SUSD1: variants seen among roughly 807,000 people sequenced by gnomAD.
The protein encoded by SUSD1 is sushi domain-containing protein 1.
A neutral mutation model predicts 86.9 loss-of-function variants in SUSD1; 65 were observed. The ratio of observed to expected loss-of-function variants is 0.75; its 90% CI spans 0.61 to 0.92. The LOEUF (loss-of-function observed/expected upper bound fraction) is 0.92. SUSD1 is among the 40% of genes least tolerant of loss of function. SUSD1 has a pLI of 0.00. For missense variants in SUSD1, 850 were observed against 929.7 expected (o/e 0.91, Z 1.11); for synonymous variants, 346 against 350.0 (o/e 0.99, Z 0.13).
At chr9:112,082,932 C>G (rs1367423547) in intron 10 of SUSD1, among the ~76,000 whole-genome samples, 2 of 151,882 alleles carry the variant, frequency 1.3e-5, no homozygotes, top group African/African-American at 4.8e-5. Flanking sequence ...TTCTATGTTG[C>G]CCAGGCTGGG....
At chr9:112,159,307 G>T (rs960866768) in intron 1 of SUSD1, among the ~76,000 whole-genome samples, 1 of 152,076 alleles carries the variant, frequency 6.6e-6, no homozygotes, top group Non-Finnish European at 1.5e-5. Context: ...TGTTACCCAG[G>T]TAAGACAGCC....
chr9:112,172,461 AATCCTCTCCAAGGATCTGTCTTTC>A (rs1834086050), intron 1 of SUSD1, among the ~76,000 whole-genome samples: 1 of 152,260 alleles, frequency 6.6e-6, no homozygotes, highest in South Asian at 2.1e-4. Flanking sequence ...AAACTCCAAG[AATCCTCTCCAAGGATCTGTCTTTC>A]ATCCTCCCAA....
At chr9:112,114,328 C>G (rs1323170107) in intron 6 of SUSD1, among the ~76,000 whole-genome samples, 1 of 151,986 alleles carries the variant, frequency 6.6e-6, no homozygotes, top group Non-Finnish European at 1.5e-5. Flanking sequence ...ACTAAAAATA[C>G]AAAAATTAGC....
At chr9:112,045,794 C>T (rs1459277302) in intron 15 of SUSD1, among the ~76,000 whole-genome samples, 1 of 152,196 alleles carries the variant, frequency 6.6e-6, no homozygotes, top group Non-Finnish European at 1.5e-5. Context: ...AGATCATTTG[C>T]AATGGTTTAT....
intron 10 of SUSD1, among the ~76,000 whole-genome samples, chr9:112,087,991 A>T (rs1233044708): frequency 6.6e-6 from 1 of 152,242 alleles, no homozygotes; most frequent in African/African-American, 2.4e-5. Flanking sequence ...AGAAATAAAC[A>T]TAACATCCAA....
At chr9:112,081,165 A>G (rs1829751751) in intron 10 of SUSD1, among the ~76,000 whole-genome samples, 1 of 152,228 alleles carries the variant, frequency 6.6e-6, no homozygotes, top group Non-Finnish European at 1.5e-5. Context: ...GAAATAATAG[A>G]GCAGACTTGC....
At chr9:112,139,686 T>C (rs1832473186) in intron 5 of SUSD1, among the ~76,000 whole-genome samples, 1 of 151,854 alleles carries the variant, frequency 6.6e-6, no homozygotes, top group Non-Finnish European at 1.5e-5. Context: ...CATGAGCCAC[T>C]GCATCTGGCC....
intron 10 of SUSD1, among the ~76,000 whole-genome samples, chr9:112,096,786 C>T (rs1226672940): frequency 6.6e-5 from 10 of 152,164 alleles, no homozygotes; most frequent in Admixed American, 6.5e-4. Flanking sequence ...GCAATCCACC[C>T]GCCTTGGCCT....
chr9:112,045,879 G>A (rs1827935559), intron 15 of SUSD1, among the ~76,000 whole-genome samples: 1 of 152,204 alleles, frequency 6.6e-6, no homozygotes, highest in Non-Finnish European at 1.5e-5. Flanking sequence ...CCTATGTAGG[G>A]TAGCAAGCTC....
chr9:112,082,299 A>T (rs1589627228), intron 10 of SUSD1, among the ~76,000 whole-genome samples: 1 of 152,032 alleles, frequency 6.6e-6, no homozygotes, highest in Non-Finnish European at 1.5e-5. Context: ...AATGACCCCC[A>T]CCCGCCACCA....
chr9:112,094,291 C>T (rs572333979), intron 10 of SUSD1, among the ~76,000 whole-genome samples: 1 of 152,252 alleles, frequency 6.6e-6, no homozygotes, highest in Admixed American at 6.5e-5. Flanking sequence ...GCCAAAATTC[C>T]ATTTCTCTTT....
At chr9:112,117,608 C>A (rs1244848997) in intron 6 of SUSD1, among the ~76,000 whole-genome samples, 3 of 151,992 alleles carry the variant, frequency 2.0e-5, no homozygotes, top group African/African-American at 7.3e-5. Context: ...TTGTTAGCAT[C>A]TAGTATTTCT....
In SUSD1 at chr9:112,158,571, C is replaced by T. The variant is rs572338316; in HGVS notation, c.104-958G>A. ...CACACCCATCTAATTTTTGTATTTT[C>T]TGTACAGATGGGGTCTCCCTATGTT... On this transcript the variant is annotated intron_variant, in intron 1 of 16. Coordinates refer to ENST00000374270, the MANE Select transcript of SUSD1 (RefSeq NM_022486.5). Among the ~76,000 whole-genome samples, 4 of 151,996 alleles carry T rather than the reference C, an allele frequency of 2.6e-5. No individual in the cohort carries two copies. The South Asian group carries it at 8.3e-4, about 32-fold the overall frequency.
intron 1 of SUSD1, chr9:112,173,923 G>A (rs1278002880): frequency 3.9e-6 from 1 of 256,244 alleles, no homozygotes; most frequent in Non-Finnish European, 7.7e-6. Flanking sequence ...CCGTTTCTGT[G>A]CCATTTTCGG....
At chr9:112,170,533 T>C (rs1322119048) in intron 1 of SUSD1, among the ~76,000 whole-genome samples, 1 of 151,982 alleles carries the variant, frequency 6.6e-6, no homozygotes. Context: ...CCTCCTGCCA[T>C]ATCAATTACG....
chr9:112,146,738 C>A (rs7030073), intron 3 of SUSD1, among the ~76,000 whole-genome samples: 1 of 152,134 alleles, frequency 6.6e-6, no homozygotes, highest in Non-Finnish European at 1.5e-5. Context: ...TGGGCTCCAG[C>A]GATCCTCCCA....
chr9:112,170,157 G>T (rs1177449873), intron 1 of SUSD1, among the ~76,000 whole-genome samples: 1 of 152,106 alleles, frequency 6.6e-6, no homozygotes, highest in Admixed American at 6.6e-5. Context: ...GCCATGGTGG[G>T]CATCTTCATC....
intron 1 of SUSD1, among the ~76,000 whole-genome samples, chr9:112,170,737 C>G (rs997839012): frequency 1.2e-5 from 1 of 83,578 alleles, no homozygotes; most frequent in East Asian, 3.4e-4. Flanking sequence ...AGAGAGAGAG[C>G]CTTGCTCTGT....
intron 10 of SUSD1, among the ~76,000 whole-genome samples, chr9:112,092,899 A>C (rs1183011778): frequency 6.6e-6 from 1 of 152,260 alleles, no homozygotes; most frequent in Non-Finnish European, 1.5e-5. Flanking sequence ...TCATGCTCTC[A>C]GTATATGAAT....
Sources: gnomAD v4.1 joint callset for allele counts (sites outside exome capture counted in the v4.1 genomes callset) on GRCh38, gnomAD v4.1.1 for gene constraint, MANE v1.5 for transcripts, NCBI Gene and HGNC (gene_info 2026-07-23, HGNC 2026-07-21) for gene names.